The following RBBP7 variants were observed in gnomAD, a reference collection of about 807,000 sequenced individuals.
RBBP7 encodes histone-binding protein RBBP7.
A neutral mutation model predicts 35.2 loss-of-function variants in RBBP7; 5 were observed. That is an observed-to-expected ratio of 0.14 (90% CI 0.07 to 0.30). RBBP7 has a LOEUF of 0.30. Ranked by LOEUF, RBBP7 falls within the 10% of genes least tolerant of loss-of-function variation. The pLI, the probability that RBBP7 is intolerant of heterozygous loss-of-function variation, is 1.00. For synonymous variants in RBBP7, 140 were observed against 118.7 expected (o/e 1.18, Z -1.17); for missense variants, 155 against 327.5 (o/e 0.47, Z 4.07).
In RBBP7 at chrX:16,870,063, G is replaced by A; in HGVS notation, c.-10C>T. The A allele has an allele frequency of 9.2e-7, 1 of 1,087,690 alleles. No individual in the cohort carries two copies. The highest frequency in any genetic ancestry group is 1.2e-6 in the Non-Finnish European group (1 of 824,642). 89.6% of individuals were successfully genotyped at this position (1,087,690 alleles called of 1,213,427 possible). On this transcript the variant is annotated 5_prime_UTR_variant, in exon 1 of 12. Coordinates refer to ENST00000380087, the MANE Select transcript of RBBP7 (RefSeq NM_002893.4). ...TCTCTTTACTCGCCATCTTGCGTCG[G>A]GTCGTTCGCCCCTCGCCGCCGCCTC...
intron 3 of RBBP7, among the ~76,000 whole-genome samples, chrX:16,862,005 G>A (rs1930487801): frequency 9.0e-6 from 1 of 111,684 alleles, no homozygotes; most frequent in Non-Finnish European, 1.9e-5. Flanking sequence ...AGTTACAGTT[G>A]CTGTGGCTGG....
chrX:16,849,297 T>C lies in RBBP7; in HGVS notation c.1045A>G (p.Ile349Val). 1 of 1,208,494 alleles carries C rather than the reference T, an allele frequency of 8.3e-7. No individual in the cohort carries two copies. Among genetic ancestry groups the C allele is most frequent in the Non-Finnish European group, 1.1e-6 (1 of 893,110 alleles). Residue 349 changes from isoleucine (I) to valine (V), a missense_variant, in exon 10 of 12, where the codon ATT becomes GTT. Ile to Val is a conservative substitution (Grantham distance 29). Coordinates refer to ENST00000380087, the MANE Select transcript of RBBP7 (RefSeq NM_002893.4). ...RRLNVWDLSK[I>V]GEEQSAEDAE... Reference sequence around the variant, plus strand: ...TCTTCTGCTGATTGTTCTTCCCCAATTTTACTGTAAGAATAAAGAATATAA... The same window carrying C: ...TCTTCTGCTGATTGTTCTTCCCCAACTTTACTGTAAGAATAAAGAATATAA...
intron 2 of RBBP7, 27 bp from the exon 3 acceptor site, chrX:16,863,127 C>T (rs1379487596): frequency 2.5e-6 from 3 of 1,183,502 alleles, no homozygotes; most frequent in Admixed American, 2.2e-5. Flanking sequence ...ATAAGTCACA[C>T]TAATCCTACA....
At chrX:16,869,608 C>A (rs1482395391) in intron 1 of RBBP7, 2 of 1,160,021 alleles carry the variant, frequency 1.7e-6, no homozygotes, top group African/African-American at 3.6e-5. Context: ...TCAGGGGAGG[C>A]CCCAGCTCCC....
chrX:16,858,543 G>A, intron 4 of RBBP7, 133 bp downstream of exon 4: 3 of 966,121 alleles, frequency 3.1e-6, no homozygotes, highest in Admixed American at 6.8e-5. Flanking sequence ...TGAACTTGAG[G>A]ATGGTTATGG....
At chrX:16,845,721 G>A in intron 11 of RBBP7, 107 bp downstream of exon 11, 3 of 1,082,353 alleles carry the variant, frequency 2.8e-6, no homozygotes, top group Non-Finnish European at 3.6e-6. Context: ...TTCTGTAAAT[G>A]TTTGGCATAA....
chrX:16,851,887 T>TA (rs1930220499), intron 9 of RBBP7, among the ~76,000 whole-genome samples, 159 bp downstream of exon 9: 1 of 112,624 alleles, frequency 8.9e-6, no homozygotes, highest in Non-Finnish European at 1.9e-5. Context: ...ACTTCTATTT[T>TA]ACAGAACAAA....
At chrX:16,867,327 T>C (rs1651168712) in intron 2 of RBBP7, among the ~76,000 whole-genome samples, 1 of 112,446 alleles carries the variant, frequency 8.9e-6, no homozygotes, top group Non-Finnish European at 1.9e-5. Flanking sequence ...CTGTTTTCTA[T>C]TATGTTACAG....
At chrX:16,848,063 A>G (rs1248190950) in intron 10 of RBBP7, 2 of 112,466 alleles carry the variant, frequency 1.8e-5, no homozygotes, top group East Asian at 2.8e-4. Flanking sequence ...CCAAAAGACA[A>G]AAGTCATATT....
At position 16,862,960 on chromosome X, in the gene RBBP7, T is replaced by C; in HGVS notation, c.302A>G (p.Lys101Arg). ...GGAATATATGATATACCTACCACCC[T>C]TGTCACTGTCACAATGGGAAGCATC... is the stretch of plus-strand genomic sequence containing the variant. ...QFDASHCDSD[K>R]GEFGGFGSVT... is the part of the protein sequence containing the mutation. The change falls in exon 3 of 12, where the codon AAG becomes AGG. Residue 101 changes from lysine to arginine, a missense_variant. Around this residue, in one of 3 missense-constraint regions of RBBP7, gnomAD observed 59 missense variants for 90.4 expected, o/e 0.65. Transcript: ENST00000380087. The C allele has an allele frequency of 8.3e-7, 1 of 1,210,946 alleles. No individual in the cohort carries two copies.
At chrX:16,853,066 G>A in intron 6 of RBBP7, 191 bp from the exon 7 acceptor site, 2 of 567,450 alleles carry the variant, frequency 3.5e-6, no homozygotes, top group Non-Finnish European at 5.3e-6. Flanking sequence ...AACAAGCTAG[G>A]GCTGTTAGTC....
Position 16,847,974 on chromosome X carries a change from A to G in RBBP7, c.1098+1270T>C, listed in dbSNP as rs191394707. On this transcript the variant is annotated intron_variant, in intron 10 of 11. Transcript: ENST00000380087. ...GAATTGTTGCAGAGGCATAATATAC[A>G]AAGTAATACGCTTTCCTTTCTCCCT... The G allele has an allele frequency of 3.7e-4, 41 of 111,989 alleles. No homozygotes were observed. The East Asian group carries it at 0.011, about 29-fold the overall frequency. The allele number at this position is 111,989 out of a possible 1,213,427, so 9.2% of individuals were successfully genotyped here.
intron 9 of RBBP7, 86 bp downstream of exon 9, chrX:16,851,960 A>G (rs1930221653): frequency 1.3e-6 from 1 of 793,173 alleles, no homozygotes; most frequent in Non-Finnish European, 1.8e-6. Context: ...GGGGATTACC[A>G]AATTGCTTTT....
chrX:16,869,743 CG>C (rs1380880668), intron 1 of RBBP7: 13 of 968,652 alleles, frequency 1.3e-5, no homozygotes, highest in African/African-American at 2.1e-5. Context: ...TTCCCAGCGG[CG>C]GGGGCCGCCT....
chrX:16,856,979 G>C (rs1319651229), intron 5 of RBBP7, among the ~76,000 whole-genome samples: 3 of 111,423 alleles, frequency 2.7e-5, no homozygotes, highest in African/African-American at 6.5e-5. Context: ...CCATAAAAAG[G>C]AATGGAACAT....
intron 4 of RBBP7, among the ~76,000 whole-genome samples, chrX:16,857,943 G>T (rs1930386609): frequency 9.0e-6 from 1 of 111,174 alleles, no homozygotes; most frequent in African/African-American, 3.3e-5. Flanking sequence ...ACAAATTTGG[G>T]CAGTGGTGAC....
intron 3 of RBBP7, among the ~76,000 whole-genome samples, chrX:16,862,695 T>G (rs1165992480): frequency 2.7e-5 from 3 of 111,532 alleles, no homozygotes; most frequent in Non-Finnish European, 5.7e-5. Context: ...TCTTATTAAT[T>G]GCTGAGTAGT....
At position 16,852,477 on chromosome X, in the gene RBBP7, G is replaced by A. The variant is rs946210813; in HGVS notation, c.963+74C>T. On this transcript the variant is annotated intron_variant, in intron 8 of 11. Coordinates refer to ENST00000380087, the MANE Select transcript of RBBP7 (RefSeq NM_002893.4). Reference sequence around the variant, plus strand: ...ATTTTTTTCAATAGTGGACCCACGAGTCTGGTATAGCTTAACTGATGAATC... The same window carrying A: ...ATTTTTTTCAATAGTGGACCCACGAATCTGGTATAGCTTAACTGATGAATC... The A allele has an allele frequency of 3.7e-6, 4 of 1,076,266 alleles. No individual in the cohort carries two copies. The African/African-American group carries it at 7.3e-5, about 20-fold the overall frequency. The allele number at this position is 1,076,266 out of a possible 1,213,427, so 88.7% of individuals were successfully genotyped here. A position where few individuals can be genotyped will look rare whatever the true frequency, so the allele number is the denominator to read the frequency against.
rs1930160058 is a variant in RBBP7, at chrX:16,849,319, A to T, written c.1041-18T>A. The T allele has an allele frequency of 1.7e-6, 2 of 1,191,009 alleles. No homozygotes were observed. On this transcript the variant is annotated intron_variant, in intron 9 of 11. Coordinates refer to ENST00000380087, the MANE Select transcript of RBBP7 (RefSeq NM_002893.4). ...CAATTTTACTGTAAGAATAAAGAAT[A>T]TAACGCTTTCATCAGTGAAATTCTT...
Sources: gnomAD v4.1 joint callset for allele counts (sites outside exome capture counted in the v4.1 genomes callset) on GRCh38, gnomAD v4.1.1 for gene constraint, gnomAD v4.1.1 regional missense constraint, MANE v1.5 for transcripts, NCBI Gene and HGNC (gene_info 2026-07-23, HGNC 2026-07-21) for gene names.